Variants in NEK11 observed in about 807,000 individuals in gnomAD.
The protein encoded by NEK11 is serine/threonine-protein kinase Nek11.
In NEK11, 72 loss-of-function variants were observed where a neutral mutation model predicts 80.7. That is an observed-to-expected ratio of 0.89 (90% CI 0.74 to 1.08). The LOEUF is 1.08. NEK11 is among the 50% of genes least tolerant of loss of function. The pLI, the probability that NEK11 is intolerant of heterozygous loss-of-function variation, is 0.00. For missense variants in NEK11, 764 were observed against 763.6 expected, an observed-to-expected ratio of 1.00 and a Z score of -0.01; for synonymous variants, 251 against 260.7, an observed-to-expected ratio of 0.96 and a Z score of 0.36.
intron 17 of NEK11, among the ~76,000 whole-genome samples, chr3:131,349,211 GAT>G (rs2097415754): frequency 6.6e-6 from 1 of 151,992 alleles, no homozygotes; most frequent in Admixed American, 6.6e-5. Flanking sequence ...AGAACCATCT[GAT>G]ATCTTATGTG....
chr3:131,080,539 C>G lies in NEK11; in HGVS notation c.287C>G (p.Ala96Gly). 1 of 1,613,926 alleles carries G rather than the reference C, an allele frequency of 6.2e-7. No homozygotes were observed. Among genetic ancestry groups the G allele is most frequent in the Non-Finnish European group, 8.5e-7 (1 of 1,179,954 alleles). ...CACCCAGCCATTGTCAAGTTCCATG[C>G]AAGTTTTGTGGAGCAAGATAATTTC... ...LDHPAIVKFH[A>G]SFVEQDNFCI... Residue 96 changes from alanine to glycine, a missense_variant, in exon 4 of 18, where the codon GCA (alanine) becomes GGA (glycine). Ala to Gly is a moderately conservative substitution (Grantham distance 60). Coordinates refer to ENST00000383366, the MANE Select transcript of NEK11 (RefSeq NM_024800.5).
chr3:131,048,890 G>T (rs2067871159), intron 3 of NEK11, among the ~76,000 whole-genome samples: 1 of 152,162 alleles, frequency 6.6e-6, no homozygotes, highest in South Asian at 2.1e-4. Flanking sequence ...AGCCTAAGGA[G>T]TAGAGCCCTC....
chr3:131,235,429 C>A (rs1398463106), intron 15 of NEK11, among the ~76,000 whole-genome samples: 1 of 152,150 alleles, frequency 6.6e-6, no homozygotes, highest in African/African-American at 2.4e-5. Context: ...CAAGTCCCAT[C>A]CAACTGTTTT....
intron 7 of NEK11, among the ~76,000 whole-genome samples, chr3:131,151,368 T>C (rs2089605062): frequency 6.6e-6 from 1 of 152,080 alleles, no homozygotes; most frequent in African/African-American, 2.4e-5. Context: ...GTGTTATTAT[T>C]TACTGGAACA....
intron 3 of NEK11, among the ~76,000 whole-genome samples, chr3:131,055,478 G>A (rs1242330409): frequency 6.6e-6 from 1 of 152,180 alleles, no homozygotes; most frequent in Non-Finnish European, 1.5e-5. Context: ...GCTCACTCCT[G>A]TATTCTTAGC....
At chr3:131,306,708 CTCTTT>C (rs748209869) in intron 17 of NEK11, among the ~76,000 whole-genome samples, 6 of 152,208 alleles carry the variant, frequency 3.9e-5, no homozygotes, top group Admixed American at 6.5e-5. Flanking sequence ...ATGGTTCCTT[CTCTTT>C]TCCCCCTACT....
chr3:131,263,934 G>A (rs2095989901), intron 16 of NEK11, among the ~76,000 whole-genome samples: 1 of 152,042 alleles, frequency 6.6e-6, no homozygotes, highest in Non-Finnish European at 1.5e-5. Context: ...ATCTCATTGT[G>A]GTTTTGATTT....
At chr3:131,120,506 C>T (rs544627094) in intron 5 of NEK11, among the ~76,000 whole-genome samples, 25 of 152,110 alleles carry the variant, frequency 1.6e-4, no homozygotes, top group African/African-American at 5.5e-4. Context: ...CTGTGTTTCC[C>T]GAATTTGAAT....
intron 14 of NEK11, among the ~76,000 whole-genome samples, chr3:131,223,748 G>A (rs1283938625): frequency 6.6e-6 from 1 of 152,062 alleles, no homozygotes; most frequent in Non-Finnish European, 1.5e-5. Flanking sequence ...TGAGCTGCTT[G>A]AAGGAAACCT....
chr3:131,208,016 T>C (rs138012692), intron 14 of NEK11, among the ~76,000 whole-genome samples: 1,558 of 152,330 alleles, frequency 0.01, 26 homozygotes, highest in African/African-American at 0.035. Context: ...TTGCTTTTGG[T>C]GTTTTAGTTA....
chr3:131,143,492 A>G (rs1579020494), intron 7 of NEK11, among the ~76,000 whole-genome samples: 1 of 151,914 alleles, frequency 6.6e-6, no homozygotes, highest in East Asian at 1.9e-4. Context: ...TATAATAAAT[A>G]TTATTCATGA....
At chr3:131,077,655 G>T (rs2074583171) in intron 3 of NEK11, among the ~76,000 whole-genome samples, 1 of 152,144 alleles carries the variant, frequency 6.6e-6, no homozygotes, top group Admixed American at 6.5e-5. Flanking sequence ...ACTTTATATT[G>T]TCATGCTTAA....
At chr3:131,258,500 G>A (rs1174661357) in intron 16 of NEK11, among the ~76,000 whole-genome samples, 1 of 152,104 alleles carries the variant, frequency 6.6e-6, no homozygotes, top group Non-Finnish European at 1.5e-5. Context: ...CCAAACATTG[G>A]CTAGTGTCTC....
intron 16 of NEK11, among the ~76,000 whole-genome samples, chr3:131,246,853 C>T (rs2095610596): frequency 6.6e-6 from 1 of 151,996 alleles, no homozygotes. Flanking sequence ...ATTTGCATTT[C>T]CCTGATACTT....
chr3:131,291,885 A>T (rs950487173), intron 17 of NEK11, among the ~76,000 whole-genome samples: 2 of 152,162 alleles, frequency 1.3e-5, no homozygotes, highest in African/African-American at 4.8e-5. Flanking sequence ...TTCTCCCAGT[A>T]TGTGGCTTGT....
chr3:131,265,352 T>A (rs2096028071), intron 16 of NEK11, among the ~76,000 whole-genome samples: 1 of 152,174 alleles, frequency 6.6e-6, no homozygotes, highest in African/African-American at 2.4e-5. Context: ...GCTGTGGGTT[T>A]GTCATAAATA....
intron 7 of NEK11, among the ~76,000 whole-genome samples, chr3:131,141,300 T>C (rs1289303977): frequency 6.6e-6 from 1 of 152,082 alleles, no homozygotes; most frequent in African/African-American, 2.4e-5. Flanking sequence ...CAGCTGGGGA[T>C]AGGGGTAGAG....
chr3:131,152,313 C>T, intron 7 of NEK11, 75 bp from the exon 8 acceptor site: 1 of 1,347,304 alleles, frequency 7.4e-7, no homozygotes, highest in Admixed American at 2.2e-5. Context: ...CCCAACACAT[C>T]TGAGGTTTTG....
chr3:131,124,449 A>C (rs1209142616), intron 5 of NEK11, among the ~76,000 whole-genome samples: 1 of 152,108 alleles, frequency 6.6e-6, no homozygotes, highest in East Asian at 1.9e-4. Flanking sequence ...GGCATTAACC[A>C]GTTTTGTATC....
Sources: gnomAD v4.1 joint callset for allele counts (sites outside exome capture counted in the v4.1 genomes callset) on GRCh38, gnomAD v4.1.1 for gene constraint, MANE v1.5 for transcripts, NCBI Gene and HGNC (gene_info 2026-07-23, HGNC 2026-07-21) for gene names.